The following ASIC2 variants were observed in gnomAD, a reference collection of about 807,000 sequenced individuals.
The protein encoded by ASIC2 is acid sensing ion channel subunit 2.
A neutral mutation model predicts 57.3 loss-of-function variants in ASIC2; 25 were observed. The ratio of observed to expected loss-of-function variants is 0.44; its 90% CI spans 0.32 to 0.61. The LOEUF is 0.61. ASIC2 is among the 20% of genes least tolerant of loss of function. The pLI, the probability that ASIC2 is intolerant of heterozygous loss-of-function variation, is 0.06. For synonymous variants in ASIC2, 319 were observed against 307.5 expected (o/e 1.04, Z -0.39); for missense variants, 641 against 738.1 (o/e 0.87, Z 1.52).
At chr17:33,582,198 C>CT (rs1904467230) in intron 1 of ASIC2, among the ~76,000 whole-genome samples, 1 of 152,152 alleles carries the variant, frequency 6.6e-6, no homozygotes, top group Non-Finnish European at 1.5e-5. Context: ...AGGAGACTGT[C>CT]ACTTAGGGGA....
At chr17:33,048,126 C>A (rs2091962445) in intron 3 of ASIC2, among the ~76,000 whole-genome samples, 1 of 152,138 alleles carries the variant, frequency 6.6e-6, no homozygotes, top group Non-Finnish European at 1.5e-5. Flanking sequence ...TGAGGAAAGG[C>A]CATTTGAGGA....
chr17:33,272,118 C>G (rs918496504), intron 1 of ASIC2, among the ~76,000 whole-genome samples: 1 of 152,212 alleles, frequency 6.6e-6, no homozygotes, highest in African/African-American at 2.4e-5. Flanking sequence ...GGCTCAAATG[C>G]CACCTGTTCA....
At position 33,937,385 on chromosome 17, in the gene ASIC2, C is replaced by G. The variant is rs569869107; in HGVS notation, c.555+218593G>C. 5.1e-4 allele frequency among the ~76,000 whole-genome samples: 78 copies of G among 151,948 alleles called. 1 individual carries two copies. In the South Asian group the frequency reaches 0.016, roughly 31 times the overall value. The stretch of plus-strand genomic sequence containing the variant: ...AAGTGCTGGGATTACAGGTGTGAGC[C>G]AGCATGCCCGGCTGAAAATGCCTCT... On this transcript the variant is annotated intron_variant, in intron 1 of 9. Coordinates refer to the ASIC2 transcript ENST00000359872.
chr17:33,589,101 A>G (rs891610150), intron 1 of ASIC2, among the ~76,000 whole-genome samples: 2 of 152,242 alleles, frequency 1.3e-5, no homozygotes, highest in South Asian at 2.1e-4. Flanking sequence ...TTGCTTTAAA[A>G]TAGAATTATC....
chr17:34,098,670 G>A (rs1425472434), intron 1 of ASIC2, among the ~76,000 whole-genome samples: 1 of 152,158 alleles, frequency 6.6e-6, no homozygotes, highest in South Asian at 2.1e-4. Context: ...AACATAGGAG[G>A]CTTTCCGTAA....
At chr17:33,648,276 T>G (rs1906808124) in intron 1 of ASIC2, among the ~76,000 whole-genome samples, 1 of 152,296 alleles carries the variant, frequency 6.6e-6, no homozygotes, top group African/African-American at 2.4e-5. Flanking sequence ...GGCAGCTCAC[T>G]TGGTCTCTCT....
Position 33,537,852 on chromosome 17 carries a change from T to C in ASIC2, c.556-425785A>G, listed in dbSNP as rs182083144. On this transcript the variant is annotated intron_variant, in intron 1 of 9. Coordinates refer to the ASIC2 transcript ENST00000359872. ...AGTATCTGTCAATGAAGCGTCAGAG[T>C]GTGTGTCTAGGAGGGGCAATAGGAA... 2.8e-3 allele frequency among the ~76,000 whole-genome samples: 424 copies of C among 151,990 alleles called. 3 individuals carry two copies. Among genetic ancestry groups the C allele is most frequent in the African/African-American group, 9.8e-3 (408 of 41,450 alleles).
intron 1 of ASIC2, among the ~76,000 whole-genome samples, chr17:33,902,413 A>G (rs766528570): frequency 2.6e-4 from 39 of 152,364 alleles, no homozygotes; most frequent in Non-Finnish European, 4.7e-4. Context: ...AAAAGTACAC[A>G]TCTTCCCATT....
chr17:33,486,336 C>A (rs1913574345), intron 1 of ASIC2, among the ~76,000 whole-genome samples: 1 of 152,208 alleles, frequency 6.6e-6, no homozygotes, highest in Admixed American at 6.5e-5. Flanking sequence ...TGCAAGGTCA[C>A]ACAGCTGTTG....
At chr17:33,439,467 T>G (rs961337181) in intron 1 of ASIC2, among the ~76,000 whole-genome samples, 3 of 152,134 alleles carry the variant, frequency 2.0e-5, no homozygotes, top group Non-Finnish European at 4.4e-5. Flanking sequence ...ATGTTAAGAA[T>G]AGGGATATCA....
intron 1 of ASIC2, among the ~76,000 whole-genome samples, chr17:33,433,248 A>G (rs963215236): frequency 6.6e-6 from 1 of 152,226 alleles, no homozygotes. Context: ...TGTCCTTTGC[A>G]GGAACATGGA....
At chr17:33,194,583 G>A (rs1181527650) in intron 1 of ASIC2, among the ~76,000 whole-genome samples, 1 of 152,136 alleles carries the variant, frequency 6.6e-6, no homozygotes, top group Non-Finnish European at 1.5e-5. Context: ...TGGATTTGCA[G>A]CACTGGAATG....
chr17:33,400,749 A>G (rs1275004732), intron 1 of ASIC2, among the ~76,000 whole-genome samples: 2 of 152,108 alleles, frequency 1.3e-5, no homozygotes, highest in Admixed American at 6.5e-5. Context: ...CAAGTTGTTC[A>G]TATCTTCCCT....
intron 3 of ASIC2, among the ~76,000 whole-genome samples, chr17:33,028,822 G>A (rs2091869293): frequency 6.6e-6 from 1 of 152,178 alleles, no homozygotes; most frequent in Non-Finnish European, 1.5e-5. Flanking sequence ...CTCTTGGTTT[G>A]AGACATTGGA....
At chr17:33,609,954 G>A (rs928069637) in intron 1 of ASIC2, among the ~76,000 whole-genome samples, 3 of 151,884 alleles carry the variant, frequency 2.0e-5, no homozygotes, top group African/African-American at 4.8e-5. Flanking sequence ...CCCTCCTCCC[G>A]GTGAGCAGCC....
chr17:33,218,444 G>A (rs1409778585), intron 1 of ASIC2, among the ~76,000 whole-genome samples: 1 of 152,320 alleles, frequency 6.6e-6, no homozygotes, highest in East Asian at 1.9e-4. Flanking sequence ...GGAACTCAAA[G>A]TCTGTTGGGT....
chr17:33,162,608 C>T (rs1408040404), intron 1 of ASIC2, among the ~76,000 whole-genome samples: 1 of 152,220 alleles, frequency 6.6e-6, no homozygotes, highest in African/African-American at 2.4e-5. Flanking sequence ...TGCCCTCCTC[C>T]AGCCACTTCT....
chr17:33,532,519 A>G (rs920643541), intron 1 of ASIC2, among the ~76,000 whole-genome samples: 1 of 152,140 alleles, frequency 6.6e-6, no homozygotes, highest in Non-Finnish European at 1.5e-5. Context: ...ATCTCCTCTC[A>G]CCCACTGACT....
At position 33,476,573 on chromosome 17, in the gene ASIC2, G is replaced by A. The variant is rs1000562248; in HGVS notation, c.556-364506C>T. Among the ~76,000 whole-genome samples the A allele has an allele frequency of 2.9e-5, 4 of 137,508 alleles. 1 individual carries two copies. The South Asian group carries it at 9.3e-4, about 32-fold the overall frequency. The allele number at this position is 137,508 out of a possible 152,430, so 90.2% of individuals were successfully genotyped here. On this transcript the variant is annotated intron_variant, in intron 1 of 9. Transcript: ENST00000359872. ...TGTGTGTGTGTGTGTGTGTGTGTGT[G>A]TGTCAGTTCTTGGACTGAGCACCAA...
Sources: gnomAD v4.1 joint callset for allele counts (sites outside exome capture counted in the v4.1 genomes callset) on GRCh38, gnomAD v4.1.1 for gene constraint, MANE v1.5 for transcripts, NCBI Gene and HGNC (gene_info 2026-07-23, HGNC 2026-07-21) for gene names.